The following CHMP3 variants were observed in gnomAD, a reference collection of about 807,000 sequenced individuals.
The protein encoded by CHMP3 is charged multivesicular body protein 3.
A neutral mutation model predicts 27.4 loss-of-function variants in CHMP3; 8 were observed. The observed-to-expected ratio is 0.29, with a 90% CI of 0.17 to 0.53. The LOEUF (loss-of-function observed/expected upper bound fraction) is 0.53, where lower values mean the gene tolerates loss of function less well. Ranked by LOEUF, CHMP3 falls within the 20% of genes least tolerant of loss-of-function variation. The pLI, the probability that CHMP3 is intolerant of heterozygous loss-of-function variation, is 0.96. For synonymous variants in CHMP3, 86 were observed against 85.5 expected (o/e 1.01, Z -0.03); for missense variants, 208 against 271.5 (o/e 0.77, Z 1.64).
intron 1 of CHMP3, chr2:86,562,065 G>A (rs767614726): frequency 6.6e-6 from 1 of 152,058 alleles, no homozygotes; most frequent in African/African-American, 2.4e-5. Flanking sequence ...TCATTTAAGC[G>A]CCACAATTTT....
intron 4 of CHMP3, 31 bp from the exon 5 acceptor site, chr2:86,507,624 A>G (rs990849484): frequency 4.4e-6 from 7 of 1,595,642 alleles, no homozygotes; most frequent in Non-Finnish European, 5.2e-6. Context: ...ACTTCGGTCA[A>G]CTGTTAAATC....
At chr2:86,561,197 T>C (rs890079322) in intron 1 of CHMP3, among the ~76,000 whole-genome samples, 1 of 152,218 alleles carries the variant, frequency 6.6e-6, no homozygotes, top group Non-Finnish European at 1.5e-5. Flanking sequence ...ATTCTAAGTA[T>C]AGGCCTTAGA....
chr2:86,560,760 C>T (rs1027526612), intron 1 of CHMP3, among the ~76,000 whole-genome samples: 10 of 151,170 alleles, frequency 6.6e-5, no homozygotes, highest in East Asian at 1.9e-4. Flanking sequence ...GCAGACTGTA[C>T]GGGAAGCACA....
chr2:86,529,092 C>T, intron 3 of CHMP3, 126 bp downstream of exon 3: 3 of 1,075,886 alleles, frequency 2.8e-6, no homozygotes, highest in Middle Eastern at 3.0e-4. Flanking sequence ...ATTTCTACAA[C>T]ACTCAACACT....
intron 2 of CHMP3, among the ~76,000 whole-genome samples, chr2:86,530,891 G>T (rs1675893609): frequency 6.6e-6 from 1 of 152,146 alleles, no homozygotes; most frequent in South Asian, 2.1e-4. Flanking sequence ...CGGGTATGAG[G>T]TCGTTTTGAT....
intron 1 of CHMP3, chr2:86,561,500 G>C (rs1425959116): frequency 3.3e-5 from 5 of 152,306 alleles, no homozygotes; most frequent in African/African-American, 1.2e-4. Context: ...TACTGAATCA[G>C]ATTTTGAATT....
chr2:86,527,001 G>C (rs1020814793), intron 3 of CHMP3: 1 of 152,026 alleles, frequency 6.6e-6, no homozygotes, highest in African/African-American at 2.4e-5. Flanking sequence ...GGAGAGGTTG[G>C]GAGAGAAGAG....
chr2:86,526,088 A>T (rs1324082148), intron 3 of CHMP3, among the ~76,000 whole-genome samples: 2 of 152,256 alleles, frequency 1.3e-5, no homozygotes, highest in Non-Finnish European at 2.9e-5. Flanking sequence ...TACAGTATAT[A>T]TGAAATGAAC....
At chr2:86,562,048 C>T (rs1573316782) in intron 1 of CHMP3, 1 of 152,094 alleles carries the variant, frequency 6.6e-6, no homozygotes, top group Non-Finnish European at 1.5e-5. Context: ...GATGTTATAC[C>T]GTTATTTCAT....
chr2:86,552,234 G>A (rs1001286926), intron 1 of CHMP3, among the ~76,000 whole-genome samples: 4 of 152,164 alleles, frequency 2.6e-5, no homozygotes, highest in East Asian at 1.9e-4. Flanking sequence ...TGAGAGGAAC[G>A]GGTGGAGAGA....
intron 3 of CHMP3, among the ~76,000 whole-genome samples, chr2:86,524,744 T>A (rs1178655423): frequency 6.6e-6 from 1 of 152,182 alleles, no homozygotes. Context: ...GTGGGATGAA[T>A]ATAAATTCAG....
rs1021018849 is a variant in CHMP3, at chr2:86,545,898, G to A, written c.46-3586C>T. Among the ~76,000 whole-genome samples, 38 of 150,930 alleles carry A rather than the reference G, an allele frequency of 2.5e-4. No individual in the cohort carries two copies. The South Asian group carries it at 4.0e-3, about 16-fold the overall frequency. On this transcript the variant is annotated intron_variant, in intron 1 of 5. Coordinates refer to ENST00000263856, the MANE Select transcript of CHMP3 (RefSeq NM_016079.4). ...CCCAGACAGGGCGGCCGGGCAGAGC[G>A]GCTCCTCACATCCCAGAGGATGGGC...
intron 2 of CHMP3, chr2:86,540,754 TAA>T (rs1301667457): frequency 1.3e-5 from 2 of 152,140 alleles, no homozygotes; most frequent in Non-Finnish European, 2.9e-5. Context: ...TCATTATGTT[TAA>T]GTTATCCTTT....
At chr2:86,545,385 T>C (rs1425070894) in intron 1 of CHMP3, among the ~76,000 whole-genome samples, 4 of 85,740 alleles carry the variant, frequency 4.7e-5, no homozygotes, top group Admixed American at 1.2e-4. Flanking sequence ...CCGGACGGGG[T>C]GGCCGGGCAG....
At chr2:86,553,859 C>T (rs1211076994) in intron 1 of CHMP3, among the ~76,000 whole-genome samples, 1 of 152,132 alleles carries the variant, frequency 6.6e-6, no homozygotes, top group African/African-American at 2.4e-5. Flanking sequence ...TTCAAACTGA[C>T]CGAGCTGAAA....
At chr2:86,516,954 G>A (rs996239887) in intron 3 of CHMP3, among the ~76,000 whole-genome samples, 1 of 152,130 alleles carries the variant, frequency 6.6e-6, no homozygotes, top group Non-Finnish European at 1.5e-5. Flanking sequence ...TGATTGCATC[G>A]ATGGCAATAT....
At chr2:86,514,316 T>C (rs1229548194) in intron 3 of CHMP3, among the ~76,000 whole-genome samples, 1 of 152,208 alleles carries the variant, frequency 6.6e-6, no homozygotes, top group Non-Finnish European at 1.5e-5. Context: ...CCTTAGTTAA[T>C]ATAACAAAAG....
intron 2 of CHMP3, among the ~76,000 whole-genome samples, chr2:86,537,475 G>A (rs1182967593): frequency 1.3e-5 from 2 of 152,134 alleles, no homozygotes; most frequent in Non-Finnish European, 2.9e-5. Flanking sequence ...TTCTCAGCAA[G>A]TTTCTGGTGA....
chr2:86,546,186 C>A (rs997218128), intron 1 of CHMP3, among the ~76,000 whole-genome samples: 6 of 152,202 alleles, frequency 3.9e-5, no homozygotes, highest in African/African-American at 1.4e-4. Flanking sequence ...CACAGTGAAA[C>A]CCCGTCGTCT....
Sources: gnomAD v4.1 joint callset for allele counts (sites outside exome capture counted in the v4.1 genomes callset) on GRCh38, gnomAD v4.1.1 for gene constraint, MANE v1.5 for transcripts, NCBI Gene and HGNC (gene_info 2026-07-23, HGNC 2026-07-21) for gene names.